Variants in VWF observed in about 807,000 individuals in gnomAD.
The protein encoded by VWF is von Willebrand factor.
Under a neutral mutation model 308.6 loss-of-function variants are expected in VWF, and 176 were observed. The ratio of observed to expected loss-of-function variants is 0.57; its 90% CI spans 0.50 to 0.65. The LOEUF (loss-of-function observed/expected upper bound fraction) is 0.65. Ranked by LOEUF, VWF falls within the 30% of genes least tolerant of loss-of-function variation. VWF has a pLI of 0.00. For synonymous variants in VWF, 1,385 were observed against 1,443.4 expected, an observed-to-expected ratio of 0.96 and a Z score of 0.92; for missense variants, 3,146 against 3,648.2, an observed-to-expected ratio of 0.86 and a Z score of 3.55.
At chr12:6,103,973 A>C (rs1410349554) in intron 5 of VWF, among the ~76,000 whole-genome samples, 2 of 152,256 alleles carry the variant, frequency 1.3e-5, no homozygotes, top group Non-Finnish European at 2.9e-5. Context: ...CAACAGAGTG[A>C]AGAGACAGCT....
intron 5 of VWF, among the ~76,000 whole-genome samples, chr12:6,104,219 A>T (rs1470957368): frequency 6.6e-6 from 1 of 152,174 alleles, no homozygotes; most frequent in Non-Finnish European, 1.5e-5. Flanking sequence ...TTAAAACCAC[A>T]ATGAGATATC....
At chr12:5,973,957 C>T (rs1013514523) in intron 43 of VWF, among the ~76,000 whole-genome samples, 5 of 152,104 alleles carry the variant, frequency 3.3e-5, no homozygotes, top group Admixed American at 6.5e-5. Context: ...CCTGAGAAGC[C>T]GCCAATGCCC....
At chr12:6,084,429 G>GC (rs1389170052) in intron 6 of VWF, among the ~76,000 whole-genome samples, 1 of 152,176 alleles carries the variant, frequency 6.6e-6, no homozygotes, top group African/African-American at 2.4e-5. Flanking sequence ...ACCTCACCAT[G>GC]CCTGGGTTGG....
rs1944809408 is a variant in VWF, at chr12:6,073,835, T to C, written c.875-94A>G. The C allele has an allele frequency of 5.1e-6, 8 of 1,573,038 alleles. No individual in the cohort carries two copies. The South Asian group carries it at 9.1e-5, about 18-fold the overall frequency. On this transcript the variant is annotated intron_variant, in intron 7 of 51. Transcript: ENST00000261405. ...CACAGCCTGAGCCTCTCGTGCCCAC[T>C]CTGACTGCTCCCCTCTGTCTTCAGG...
At chr12:6,116,841 G>A (rs1007735289) in intron 3 of VWF, among the ~76,000 whole-genome samples, 2 of 152,184 alleles carry the variant, frequency 1.3e-5, no homozygotes, top group East Asian at 1.9e-4. Flanking sequence ...ACAGGCACTC[G>A]GGAGGAATGT....
chr12:6,033,059 C>T (rs1944290892), intron 20 of VWF, among the ~76,000 whole-genome samples: 1 of 152,214 alleles, frequency 6.6e-6, no homozygotes, highest in Non-Finnish European at 1.5e-5. Context: ...TGCACACATA[C>T]ATGCATACAT....
chr12:6,067,559 C>T (rs1425931002), intron 10 of VWF, among the ~76,000 whole-genome samples: 1 of 152,196 alleles, frequency 6.6e-6, no homozygotes, highest in Non-Finnish European at 1.5e-5. Flanking sequence ...GAGCTTATCT[C>T]CTCGGTACAA....
intron 4 of VWF, 85 bp downstream of exon 4, chr12:6,110,781 G>A: frequency 6.8e-7 from 1 of 1,463,898 alleles, no homozygotes; most frequent in Non-Finnish European, 9.6e-7. Context: ...TCCATTCTCT[G>A]GGCCCCAGCT....
rs1244720116 is a variant in VWF at position 6,013,485 on chromosome 12, G to A, written c.5616C>T (p.Cys1872=). The change falls in exon 32 of 52, where the codon TGC becomes TGT. Residue 1872 remains cysteine (C), a synonymous_variant. Transcript: ENST00000261405. ...GAAAGGTATTATAAGACTCACCAGAGCACAGTTTGTGGAGGAAGGAATTGC... is the reference window on the plus strand; with the variant it reads ...GAAAGGTATTATAAGACTCACCAGAACACAGTTTGTGGAGGAAGGAATTGC... ...TLGNSFLHKL[C]SGFVRICMDE... 1 of 1,614,184 alleles carries A rather than the reference G, an allele frequency of 6.2e-7. No individual in the cohort carries two copies. Among genetic ancestry groups the A allele is most frequent in the Admixed American group, 1.7e-5 (1 of 60,032 alleles).
intron 47 of VWF, among the ~76,000 whole-genome samples, chr12:5,956,013 C>T (rs192681173): frequency 7.8e-4 from 119 of 152,202 alleles, no homozygotes; most frequent in African/African-American, 2.8e-3. Flanking sequence ...AATAAACAGT[C>T]ATGGGCCAAA....
chr12:5,969,775 G>A (rs1251222492), intron 44 of VWF, among the ~76,000 whole-genome samples: 1 of 152,210 alleles, frequency 6.6e-6, no homozygotes, highest in African/African-American at 2.4e-5. Flanking sequence ...ACTTCCCATG[G>A]TAAGGGGAGA....
At chr12:5,953,678 C>T (rs1943219083) in intron 47 of VWF, 84 bp from the exon 48 acceptor site, 3 of 1,095,402 alleles carry the variant, frequency 2.7e-6, no homozygotes, top group Non-Finnish European at 4.2e-6. Context: ...GCTGGCCTCT[C>T]ATCTCTCTCA....
intron 6 of VWF, among the ~76,000 whole-genome samples, chr12:6,078,321 T>A (rs1465133384): frequency 6.6e-6 from 1 of 152,198 alleles, no homozygotes; most frequent in Non-Finnish European, 1.5e-5. Flanking sequence ...GAGTTTCTAG[T>A]AGCAGGGAGG....
chr12:5,989,580 C>T (rs554912948), intron 38 of VWF, among the ~76,000 whole-genome samples: 17 of 152,214 alleles, frequency 1.1e-4, no homozygotes, highest in African/African-American at 3.1e-4. Context: ...ATTTATAAGA[C>T]GGTTTCTACA....
chr12:6,033,725 C>T (rs1410363983), intron 20 of VWF, among the ~76,000 whole-genome samples: 3 of 152,172 alleles, frequency 2.0e-5, no homozygotes, highest in East Asian at 1.9e-4. Flanking sequence ...CTGTTGGCTC[C>T]GCCCCATGCC....
rs769921684 is a variant in VWF at position 6,018,881 on chromosome 12, C to T, written c.4537G>A (p.Asp1513Asn). 18 of 1,613,810 alleles carry T rather than the reference C, an allele frequency of 1.1e-5. No homozygotes were observed. The highest frequency in any genetic ancestry group is 1.0e-4 in the Admixed American group (6 of 59,998). ...ATGAACTCCTTGCTCCTGTTGAAGT[C>T]GGCTTCACCAATTTTGTCCGATCCT... The part of the protein sequence containing the change: ...LEGSDKIGEA[D>N]FNRSKEFMEE... Residue 1513 changes from aspartate (D) to asparagine (N), a missense_variant, in exon 28 of 52, where the codon GAC (aspartate) becomes AAC (asparagine). Asp to Asn is a conservative substitution (Grantham distance 23). Around this residue, in one of 3 missense-constraint regions of VWF, gnomAD observed 853 missense variants for 1,177.8 expected, o/e 0.72. Coordinates refer to ENST00000261405, the MANE Select transcript of VWF (RefSeq NM_000552.5).
intron 3 of VWF, among the ~76,000 whole-genome samples, chr12:6,120,075 T>C (rs1945414063): frequency 6.6e-6 from 1 of 152,162 alleles, no homozygotes; most frequent in South Asian, 2.1e-4. Context: ...CTCATAGCTA[T>C]AGCCAGGTGC....
At chr12:5,966,070 A>T (rs1463878932) in intron 47 of VWF, among the ~76,000 whole-genome samples, 1 of 152,186 alleles carries the variant, frequency 6.6e-6, no homozygotes, top group Non-Finnish European at 1.5e-5. Context: ...AGGGCACTGC[A>T]GGGAGTGAGC....
intron 6 of VWF, among the ~76,000 whole-genome samples, chr12:6,090,190 C>T (rs909422130): frequency 1.3e-5 from 2 of 152,116 alleles, no homozygotes; most frequent in Non-Finnish European, 2.9e-5. Context: ...ATCTCCTGAC[C>T]TCGTGATCCA....
Sources: allele counts gnomAD v4.1 joint callset (sites outside exome capture counted in the v4.1 genomes callset), GRCh38; gene constraint gnomAD v4.1.1; regional missense constraint gnomAD v4.1.1; transcripts MANE v1.5; gene names NCBI Gene and HGNC (gene_info 2026-07-23, HGNC 2026-07-21).